HHLA2: variants seen among roughly 807,000 people sequenced by gnomAD.
The protein encoded by HHLA2 is HHLA2 member of B7 family.
A neutral mutation model predicts 45.9 loss-of-function variants in HHLA2; 48 were observed. That is an observed-to-expected ratio of 1.05 (90% CI 0.83 to 1.33). The LOEUF is 1.33. HHLA2 is among the 40% of genes most tolerant of loss of function. The pLI is 0.00. For missense variants in HHLA2, 462 were observed against 494.3 expected, an observed-to-expected ratio of 0.93 and a Z score of 0.62; for synonymous variants, 161 against 173.9, an observed-to-expected ratio of 0.93 and a Z score of 0.59.
In HHLA2 at chr3:108,315,010, G is replaced by A. The variant is rs112407587; in HGVS notation, c.-105+4269G>A. 2.5e-3 allele frequency among the ~76,000 whole-genome samples: 388 copies of A among 152,200 alleles called. 6 individuals carry two copies. Among genetic ancestry groups the A allele is most frequent in the African/African-American group, 8.3e-3 (343 of 41,536 alleles). On this transcript the variant is annotated intron_variant, in intron 2 of 10. Transcript: ENST00000619531. ...CCTACTAAGCAAGATATCAAGCTCC[G>A]GGCCAAAATTTATTTTCAGCTCTTC...
At chr3:108,328,301 G>A in exon 3 of HHLA2, 2 of 1,529,340 alleles carry the variant, frequency 1.3e-6, no homozygotes, top group Non-Finnish European at 1.7e-6. Flanking sequence ...TGCACAGATT[G>A]TGATGGTGAT....
intron 1 of HHLA2, among the ~76,000 whole-genome samples, 170 bp downstream of exon 1, chr3:108,296,769 A>G (rs2080767956): frequency 6.6e-6 from 1 of 152,258 alleles, no homozygotes; most frequent in Non-Finnish European, 1.5e-5. Context: ...TATGCACCAA[A>G]CAAATACTTA....
intron 1 of HHLA2, chr3:108,302,472 G>C (rs1409148872): frequency 6.6e-6 from 1 of 152,174 alleles, no homozygotes; most frequent in Non-Finnish European, 1.5e-5. Context: ...GATTCTGACA[G>C]TACAAGACAT....
intron 3 of HHLA2, among the ~76,000 whole-genome samples, chr3:108,341,838 A>G (rs537235480): frequency 1.3e-4 from 20 of 152,248 alleles, no homozygotes; most frequent in African/African-American, 4.8e-4. Flanking sequence ...CTTTCCATCC[A>G]TCTGCTCTGT....
At chr3:108,300,400 T>G (rs1208349494) in intron 1 of HHLA2, among the ~76,000 whole-genome samples, 1 of 152,136 alleles carries the variant, frequency 6.6e-6, no homozygotes, top group Non-Finnish European at 1.5e-5. Context: ...CAGGTGCAAG[T>G]GATTTATTAA....
In HHLA2 at chr3:108,338,200, G is replaced by GATAT. The variant is rs369459458; in HGVS notation, c.-27+9864_-27+9867dup. Among the ~76,000 whole-genome samples the GATAT allele has an allele frequency of 7.5e-3, 1,129 of 150,030 alleles. 20 individuals are homozygous for GATAT. The highest frequency in any genetic ancestry group is 0.027 in the African/African-American group (1,086 of 40,850). On this transcript the variant is annotated intron_variant, in intron 3 of 10. Transcript: ENST00000619531. Reference sequence around the variant, plus strand: ...ATAGATTTGATATCTATATATCAAAGATATATATATATATCTTTGACATTC... The same window carrying GATAT: ...ATAGATTTGATATCTATATATCAAAGATATATATATATATATATCTTTGACATTC...
intron 8 of HHLA2, among the ~76,000 whole-genome samples, chr3:108,364,473 T>C (rs1049236156): frequency 6.6e-6 from 1 of 152,236 alleles, no homozygotes; most frequent in African/African-American, 2.4e-5. Context: ...TGTGTCTTCA[T>C]AGTAGAATGA....
exon 11 of HHLA2, chr3:108,377,380 G>C (rs1463425): frequency 1 from 806,705 of 806,982 alleles, 403,214 homozygotes; most frequent in Middle Eastern, 1. Flanking sequence ...GCCTGTCGGA[G>C]CAGACAATTC....
chr3:108,367,063 A>T (rs533614011), intron 8 of HHLA2, among the ~76,000 whole-genome samples: 3 of 152,210 alleles, frequency 2.0e-5, no homozygotes, highest in Non-Finnish European at 4.4e-5. Context: ...CCAGGCAAAT[A>T]GGAACTGGAG....
chr3:108,371,186 G>A (rs1479658059), intron 8 of HHLA2, among the ~76,000 whole-genome samples: 1 of 152,176 alleles, frequency 6.6e-6, no homozygotes, highest in Non-Finnish European at 1.5e-5. Context: ...CATTCTCAAA[G>A]AAAAGAATTT....
chr3:108,340,900 T>C (rs2081555707), intron 3 of HHLA2, among the ~76,000 whole-genome samples: 1 of 17,110 alleles, frequency 5.8e-5, no homozygotes, highest in South Asian at 2.2e-3. Flanking sequence ...CTTTTCTTTT[T>C]TTTTTTTTTT....
intron 3 of HHLA2, among the ~76,000 whole-genome samples, chr3:108,339,480 C>T (rs1017891401): frequency 6.6e-6 from 1 of 151,966 alleles, no homozygotes; most frequent in Non-Finnish European, 1.5e-5. Context: ...ATGTCTTCAT[C>T]TATAAAATGG....
At chr3:108,312,236 T>A (rs2081032516) in intron 2 of HHLA2, among the ~76,000 whole-genome samples, 1 of 152,248 alleles carries the variant, frequency 6.6e-6, no homozygotes, top group Non-Finnish European at 1.5e-5. Context: ...TTCTTGTTAC[T>A]GCTAATTTCT....
At chr3:108,304,494 T>C (rs1221270750) in intron 1 of HHLA2, among the ~76,000 whole-genome samples, 1 of 152,188 alleles carries the variant, frequency 6.6e-6, no homozygotes, top group Non-Finnish European at 1.5e-5. Flanking sequence ...CTCATAGGAC[T>C]TAAGACACAG....
At chr3:108,362,210 C>A in intron 7 of HHLA2, 132 bp from the exon 7 acceptor site, 1 of 652,152 alleles carries the variant, frequency 1.5e-6, no homozygotes, top group Admixed American at 2.9e-5. Context: ...ATGAATTCAG[C>A]CTCCTACCTG....
chr3:108,298,220 G>A (rs1209736083), intron 1 of HHLA2, among the ~76,000 whole-genome samples: 1 of 152,162 alleles, frequency 6.6e-6, no homozygotes, highest in East Asian at 1.9e-4. Flanking sequence ...TCTGTCAGAT[G>A]AGACTAGCTA....
chr3:108,375,616 A>T, intron 8 of HHLA2, 134 bp from the exon 8 acceptor site: 2 of 1,061,664 alleles, frequency 1.9e-6, no homozygotes, highest in Non-Finnish European at 2.6e-6. Context: ...AAGGAGATAG[A>T]CACACGAAAA....
chr3:108,339,069 G>A (rs1051058195), intron 3 of HHLA2, among the ~76,000 whole-genome samples: 1 of 152,182 alleles, frequency 6.6e-6, no homozygotes, highest in African/African-American at 2.4e-5. Context: ...GTTTGCCACA[G>A]GAAAGCTGAG....
intron 8 of HHLA2, among the ~76,000 whole-genome samples, chr3:108,372,615 A>C (rs1275660327): frequency 2.0e-5 from 3 of 152,228 alleles, no homozygotes; most frequent in Admixed American, 6.5e-5. Context: ...AGAAGAATCA[A>C]ATAGATGCAA....
Sources: gnomAD v4.1 joint callset for allele counts (sites outside exome capture counted in the v4.1 genomes callset) on GRCh38, gnomAD v4.1.1 for gene constraint, MANE v1.5 for transcripts, NCBI Gene and HGNC (gene_info 2026-07-23, HGNC 2026-07-21) for gene names.